Variants in MKNK2 observed in about 807,000 individuals in gnomAD.
The protein encoded by MKNK2 is MAPK interacting serine/threonine kinase 2, also known as MAP kinase-interacting serine/threonine-protein kinase 2.
MKNK2 carries 54 observed loss-of-function variants against 55.0 expected under a neutral mutation model. That is an observed-to-expected ratio of 0.98 (90% CI 0.79 to 1.23). MKNK2 has a LOEUF of 1.23. Ranked by LOEUF, MKNK2 falls within the 50% of genes most tolerant of loss-of-function variation. MKNK2 has a pLI of 0.00. For missense variants in MKNK2, 685 were observed against 632.1 expected (o/e 1.08, Z -0.90); for synonymous variants, 323 against 256.0 (o/e 1.26, Z -2.50).
At chr19:2,050,722 G>A in intron 2 of MKNK2, 79 bp downstream of exon 2, 1 of 1,387,254 alleles carries the variant, frequency 7.2e-7, no homozygotes, top group Non-Finnish European at 9.8e-7. Context: ...GCCGATCTTA[G>A]GGGCGGGCCC....
At position 2,037,764 on chromosome 19, in the gene MKNK2, A is replaced by T. The variant is rs1390647494; in HGVS notation, c.*1849T>A. On this transcript the variant is annotated 3_prime_UTR_variant, in exon 14 of 14. Coordinates refer to ENST00000250896, the MANE Select transcript of MKNK2 (RefSeq NM_199054.3). ...TCACTCATTCACAGTAACGGTTCTG[A>T]CCAGTCCTCCAGGTCGCACGTGGAT... The T allele has an allele frequency of 1.2e-6, 2 of 1,606,078 alleles. No homozygotes were observed. Among genetic ancestry groups the T allele is most frequent in the East Asian group, 2.2e-5 (1 of 44,698 alleles).
chr19:2,048,365 A>G (rs1319739341), intron 2 of MKNK2, among the ~76,000 whole-genome samples: 3 of 152,110 alleles, frequency 2.0e-5, no homozygotes, highest in Non-Finnish European at 4.4e-5. Flanking sequence ...GTTTCCACAG[A>G]GCAAATGGCC....
intron 7 of MKNK2, 81 bp downstream of exon 7, chr19:2,043,043 C>T: frequency 7.4e-7 from 1 of 1,350,290 alleles, no homozygotes; most frequent in Admixed American, 1.7e-5. Flanking sequence ...CCACAAGCCC[C>T]CTCCTGCAGG....
intron 2 of MKNK2, among the ~76,000 whole-genome samples, chr19:2,047,399 G>A (rs1391275856): frequency 6.6e-6 from 1 of 152,142 alleles, no homozygotes; most frequent in Non-Finnish European, 1.5e-5. Flanking sequence ...GGGGGCCTCT[G>A]GGAAAGGGGT....
Position 2,038,623 on chromosome 19 carries a change from G to C in MKNK2, c.*990C>G, listed in dbSNP as rs143988124. The C allele has an allele frequency of 2.8e-4, 271 of 985,298 alleles. 1 individual carries two copies. The African/African-American group carries it at 4.3e-3, about 16-fold the overall frequency. 61.0% of individuals were successfully genotyped at this position (985,298 alleles called of 1,614,324 possible). On this transcript the variant is annotated 3_prime_UTR_variant, in exon 14 of 14. Coordinates refer to ENST00000250896, the MANE Select transcript of MKNK2 (RefSeq NM_199054.3). ...CCCCGGGGTCTGGGCTCAGCTCTAA[G>C]GACAAGGACGGAGCTGACGGAGCTT...
intron 9 of MKNK2, 25 bp from the exon 10 acceptor site, chr19:2,042,547 A>C (rs1390279317): frequency 1.3e-6 from 2 of 1,583,878 alleles, no homozygotes; most frequent in Non-Finnish European, 1.7e-6. Context: ...AAGGTCCGTG[A>C]GCCTGGGGTC....
rs368757486 is a variant in MKNK2, at chr19:2,040,999, G to A, written c.1110+41C>T. 9.9e-5 allele frequency: 158 copies of A among 1,603,542 alleles called. No homozygotes were observed. In the East Asian group the frequency reaches 1.1e-3, roughly 11 times the overall value. ...GCTCGCTCTGAGGCCACCCTGCAGCGCCCCCATACCCCTCCTGCCGCCCGT... is the reference window on the plus strand; with the variant it reads ...GCTCGCTCTGAGGCCACCCTGCAGCACCCCCATACCCCTCCTGCCGCCCGT... On this transcript the variant is annotated intron_variant, in intron 12 of 13. Transcript: ENST00000250896.
chr19:2,042,774 T>C lies in MKNK2; in HGVS notation c.590A>G (p.His197Arg). Reference protein sequence around the residue: ...QDVASALDFLHNKGIAHRDLK... With the variant: ...QDVASALDFLRNKGIAHRDLK... The stretch of plus-strand genomic sequence containing the variant: ...GCGGGGTCACCACCTACCTTTGTTA[T>C]GCAGAAAGTCCAAGGCGCTGGCCAC... Residue 197 changes from histidine (H) to arginine (R), a missense_variant, in exon 8 of 14, where the codon CAT (histidine) becomes CGT (arginine). Physicochemically the swap from His to Arg is conservative, Grantham distance 29. Coordinates refer to ENST00000250896, the MANE Select transcript of MKNK2 (RefSeq NM_199054.3). The C allele has an allele frequency of 6.3e-7, 1 of 1,576,650 alleles. No homozygotes were observed. The highest frequency in any genetic ancestry group is 8.6e-7 in the Non-Finnish European group (1 of 1,159,576).
At chr19:2,044,460 G>C (rs180943976) in intron 5 of MKNK2, among the ~76,000 whole-genome samples, 1 of 152,310 alleles carries the variant, frequency 6.6e-6, no homozygotes, top group East Asian at 1.9e-4. Flanking sequence ...ACAGAGGTGG[G>C]GTGAGGAGGC....
chr19:2,042,266 C>A (rs2016904935), intron 10 of MKNK2, 161 bp downstream of exon 10: 1 of 773,100 alleles, frequency 1.3e-6, no homozygotes, highest in Non-Finnish European at 2.0e-6. Context: ...GGGGCGCCTG[C>A]TCGAGGCCCC....
intron 5 of MKNK2, among the ~76,000 whole-genome samples, chr19:2,045,043 G>A (rs902474514): frequency 8.5e-5 from 13 of 152,148 alleles, no homozygotes; most frequent in African/African-American, 2.2e-4. Context: ...CCAGCGATTC[G>A]CCTCTCTGAC....
intron 5 of MKNK2, among the ~76,000 whole-genome samples, chr19:2,045,445 A>C (rs1362457207): frequency 6.6e-6 from 1 of 151,882 alleles, no homozygotes; most frequent in East Asian, 1.9e-4. Context: ...GACCGTCCGT[A>C]CTGTGTCTGT....
rs142539929 is a variant in MKNK2 at position 2,050,091 on chromosome 19, G to A, written c.51+710C>T. On this transcript the variant is annotated intron_variant, in intron 2 of 13. Coordinates refer to ENST00000250896, the MANE Select transcript of MKNK2 (RefSeq NM_199054.3). ...CTGCGTCCCCTGGGCCAGGTCCTGC[G>A]GGGCCCCTGCCCAGCACCTGCCCTC... 4.2e-3 allele frequency among the ~76,000 whole-genome samples: 644 copies of A among 152,220 alleles called. 6 individuals carry two copies. Among genetic ancestry groups the A allele is most frequent in the African/African-American group, 0.015 (611 of 41,534 alleles).
Position 2,043,194 on chromosome 19 carries a change from G to C in MKNK2, c.423C>G (p.Asn141Lys). Residue 141 changes from asparagine (N) to lysine (K), a missense_variant, in exon 7 of 14, where the codon AAC becomes AAG. By Grantham distance (94) the Asn-to-Lys change is moderately conservative (BLOSUM62 0). Coordinates refer to ENST00000250896, the MANE Select transcript of MKNK2 (RefSeq NM_199054.3). Reference sequence around the variant, plus strand: ...CGAAGAACTCAATCAGCTCTAGGACGTTCCTGGGGTGGGGGTGGGGGCAGG... The same window carrying C: ...CGAAGAACTCAATCAGCTCTAGGACCTTCCTGGGGTGGGGGTGGGGGCAGG... ...EMLYQCQGHR[N>K]VLELIEFFEE... 1 of 1,600,084 alleles carries C rather than the reference G, an allele frequency of 6.2e-7. No homozygotes were observed. Among genetic ancestry groups the C allele is most frequent in the Non-Finnish European group, 8.6e-7 (1 of 1,169,294 alleles).
chr19:2,040,178 C>A lies in MKNK2; in HGVS notation c.1111-1G>T. On this transcript the variant is annotated splice_acceptor_variant, in intron 12 of 13. Transcript: ENST00000250896. LOFTEE classifies it high-confidence loss of function. ...TGGGCAAGGTGTTCTCCGGGGCGCA[C>A]TGCAACGAGAGTGGGCGGGGGCAGG... is the stretch of plus-strand genomic sequence containing the variant. The A allele has an allele frequency of 6.3e-7, 1 of 1,578,810 alleles. No individual in the cohort carries two copies. Among genetic ancestry groups the A allele is most frequent in the Non-Finnish European group, 8.6e-7 (1 of 1,163,276 alleles).
At position 2,046,431 on chromosome 19, in the gene MKNK2, G is replaced by C; in HGVS notation, c.177C>G (p.Ala59=). 6.2e-7 allele frequency: 1 copy of C among 1,609,396 alleles called. No individual in the cohort carries two copies. The highest frequency in any genetic ancestry group is 8.5e-7 in the Non-Finnish European group (1 of 1,179,808). ...PASQPIDIPD[A]KKRGKKKKRG... ...GCTTCTTCTTCTTGCCCCTCTTCTT[G>C]GCGTCCGGGATGTCAATGGGCTGGC... Residue 59 remains alanine, a synonymous_variant, in exon 4 of 14, where the codon GCC becomes GCG. Transcript: ENST00000250896.
chr19:2,044,517 G>A (rs893489934), intron 5 of MKNK2, among the ~76,000 whole-genome samples: 1 of 152,104 alleles, frequency 6.6e-6, no homozygotes, highest in African/African-American at 2.4e-5. Context: ...TGCCAGGCTG[G>A]ACATGTTAGC....
At chr19:2,046,075 A>G (rs2016988698) in intron 5 of MKNK2, 111 bp downstream of exon 5, 6 of 1,121,198 alleles carry the variant, frequency 5.4e-6, no homozygotes, top group Non-Finnish European at 6.6e-6. Context: ...ACTTTTAGAC[A>G]CGGGTCTTCC....
Position 2,042,676 on chromosome 19 carries a change from C to A in MKNK2, c.599-14G>T. 1 of 1,559,144 alleles carries A rather than the reference C, an allele frequency of 6.4e-7. No individual in the cohort carries two copies. The highest frequency in any genetic ancestry group is 8.7e-7 in the Non-Finnish European group (1 of 1,150,420). On this transcript the variant is annotated splice_polypyrimidine_tract_variant and intron_variant, in intron 8 of 13. Transcript: ENST00000250896. ...TGTGGGCGATGCCTGGGGGAGAAGC[C>A]ACAGAACCACGACGGGGTGAGGGTC...
Sources: allele counts gnomAD v4.1 joint callset (sites outside exome capture counted in the v4.1 genomes callset), GRCh38; gene constraint gnomAD v4.1.1; transcripts MANE v1.5; gene names NCBI Gene and HGNC (gene_info 2026-07-23, HGNC 2026-07-21).